The following HS6ST3 variants were observed in gnomAD, a reference collection of about 807,000 sequenced individuals.
The protein encoded by HS6ST3 is heparan-sulfate 6-O-sulfotransferase 3.
Under a neutral mutation model 36.7 loss-of-function variants are expected in HS6ST3, and 12 were observed. The ratio of observed to expected loss-of-function variants is 0.33; its 90% CI spans 0.21 to 0.53. The LOEUF (loss-of-function observed/expected upper bound fraction) is 0.53. Among genes scored for constraint, HS6ST3 ranks in the 20% least tolerant of loss-of-function variants. The probability of loss-of-function intolerance (pLI) is 0.95; values close to 1 mark genes in which losing one functional copy is unlikely to be tolerated. For missense variants in HS6ST3, 584 were observed against 640.9 expected (o/e 0.91, Z 0.96); for synonymous variants, 240 against 257.5 (o/e 0.93, Z 0.65).
intron 1 of HS6ST3, 40 bp downstream of exon 1, chr13:96,091,609 C>T (rs1378279400): frequency 1.3e-6 from 2 of 1,518,484 alleles, no homozygotes; most frequent in Non-Finnish European, 1.8e-6. Flanking sequence ...CCCCCCCACC[C>T]CCCATCCCTC....
chr13:96,669,820 A>G (rs149872303), intron 1 of HS6ST3, among the ~76,000 whole-genome samples: 92 of 152,246 alleles, frequency 6.0e-4, no homozygotes, highest in African/African-American at 1.9e-3. Context: ...TATAGTTGCT[A>G]TATTGACTTA....
chr13:96,099,426 A>G (rs1034338816), intron 1 of HS6ST3, among the ~76,000 whole-genome samples: 2 of 152,230 alleles, frequency 1.3e-5, no homozygotes, highest in African/African-American at 4.8e-5. Context: ...CTGGGCACTC[A>G]GTCCAAGAAT....
intron 1 of HS6ST3, among the ~76,000 whole-genome samples, chr13:96,587,531 T>G (rs1361002601): frequency 6.6e-6 from 1 of 152,210 alleles, no homozygotes; most frequent in Non-Finnish European, 1.5e-5. Context: ...GGCTTCAAAC[T>G]GCATCATTAC....
At chr13:96,694,969 A>G (rs1212046436) in intron 1 of HS6ST3, among the ~76,000 whole-genome samples, 1 of 152,224 alleles carries the variant, frequency 6.6e-6, no homozygotes, top group African/African-American at 2.4e-5. Flanking sequence ...TGTCTTTAAA[A>G]AACTTTTGGT....
At chr13:96,605,650 CATTAAAACTTAA>C (rs2056436056) in intron 1 of HS6ST3, among the ~76,000 whole-genome samples, 1 of 151,964 alleles carries the variant, frequency 6.6e-6, no homozygotes, top group Non-Finnish European at 1.5e-5. Flanking sequence ...GAAAAGGTTT[CATTAAAACTTAA>C]AGACCAAGCA....
chr13:96,797,220 A>G (rs910335519), intron 1 of HS6ST3, among the ~76,000 whole-genome samples: 5 of 152,084 alleles, frequency 3.3e-5, no homozygotes, highest in Admixed American at 6.6e-5. Context: ...GAAATGCTGC[A>G]GGGTAAAGCA....
Position 96,776,185 on chromosome 13 carries a change from A to G in HS6ST3, c.708-56305A>G, listed in dbSNP as rs114998907. On this transcript the variant is annotated intron_variant, in intron 1 of 1. Coordinates refer to ENST00000376705, the MANE Select transcript of HS6ST3 (RefSeq NM_153456.4). Reference sequence around the variant, plus strand: ...ATACCAGAATCTCTGGGATGCAGCTAAAGTAGTGTTTAGAGGGAATTTTAC... The same window carrying G: ...ATACCAGAATCTCTGGGATGCAGCTGAAGTAGTGTTTAGAGGGAATTTTAC... 5.0e-3 allele frequency among the ~76,000 whole-genome samples: 765 copies of G among 152,262 alleles called. 4 individuals carry two copies. The highest frequency in any genetic ancestry group is 0.017 in the African/African-American group (720 of 41,570).
At chr13:96,244,103 A>G (rs950988455) in intron 1 of HS6ST3, among the ~76,000 whole-genome samples, 7 of 152,136 alleles carry the variant, frequency 4.6e-5, no homozygotes, top group African/African-American at 1.7e-4. Flanking sequence ...TTAGCATAGG[A>G]GTTTAACCAT....
At chr13:96,233,154 T>C (rs531256341) in intron 1 of HS6ST3, among the ~76,000 whole-genome samples, 1 of 152,326 alleles carries the variant, frequency 6.6e-6, no homozygotes, top group South Asian at 2.1e-4. Context: ...AATATTTCTA[T>C]AAATTGGAAA....
chr13:96,739,922 A>T (rs745820237), intron 1 of HS6ST3, among the ~76,000 whole-genome samples: 7 of 151,966 alleles, frequency 4.6e-5, no homozygotes, highest in African/African-American at 1.7e-4. Context: ...TTTTGCTGCC[A>T]CTGTTTCTGG....
intron 1 of HS6ST3, among the ~76,000 whole-genome samples, chr13:96,259,422 G>A (rs2054653377): frequency 1.3e-5 from 2 of 152,200 alleles, no homozygotes; most frequent in Admixed American, 6.5e-5. Context: ...GAAGCACAAA[G>A]TGGCTCTGGG....
chr13:96,793,658 A>G (rs902151923), intron 1 of HS6ST3, among the ~76,000 whole-genome samples: 3 of 152,110 alleles, frequency 2.0e-5, no homozygotes, highest in Non-Finnish European at 4.4e-5. Context: ...GTTTCCTGCC[A>G]GCTTTCTGGT....
chr13:96,668,686 CTTTTTTTTTTTTTTTTTTT>C (rs146033180), intron 1 of HS6ST3, among the ~76,000 whole-genome samples: 74 of 58,942 alleles, frequency 1.3e-3, no homozygotes, highest in Admixed American at 2.9e-3. Flanking sequence ...TAGTGCCAAC[CTTTTTTTTTTTTTTTTTTT>C]TTTTTTTTTT....
At chr13:96,373,766 A>G (rs1432668069) in intron 1 of HS6ST3, among the ~76,000 whole-genome samples, 2 of 152,196 alleles carry the variant, frequency 1.3e-5, no homozygotes, top group African/African-American at 2.4e-5. Flanking sequence ...TTTGATTGAA[A>G]TAAGTGGCTG....
At chr13:96,392,163 A>G (rs914758275) in intron 1 of HS6ST3, among the ~76,000 whole-genome samples, 5 of 152,190 alleles carry the variant, frequency 3.3e-5, no homozygotes, top group Non-Finnish European at 7.3e-5. Context: ...AGCCTTTTGT[A>G]TGTGGTCTTT....
chr13:96,367,820 T>C (rs2055270548), intron 1 of HS6ST3, among the ~76,000 whole-genome samples: 1 of 152,218 alleles, frequency 6.6e-6, no homozygotes, highest in Non-Finnish European at 1.5e-5. Context: ...CAGTAGGTTT[T>C]GTAACCTAAT....
intron 1 of HS6ST3, among the ~76,000 whole-genome samples, chr13:96,574,773 G>C (rs1187313920): frequency 1.3e-5 from 2 of 152,132 alleles, no homozygotes; most frequent in Non-Finnish European, 2.9e-5. Flanking sequence ...GAATTACTGT[G>C]TGGGTTCAGA....
intron 1 of HS6ST3, among the ~76,000 whole-genome samples, chr13:96,548,474 A>T (rs546445854): frequency 3.3e-5 from 5 of 152,270 alleles, no homozygotes; most frequent in African/African-American, 1.2e-4. Context: ...CTGTTTTCTC[A>T]TACTATTTCG....
chr13:96,258,604 T>A (rs953084040), intron 1 of HS6ST3, among the ~76,000 whole-genome samples: 1 of 152,164 alleles, frequency 6.6e-6, no homozygotes, highest in African/African-American at 2.4e-5. Flanking sequence ...CAATGGGCAC[T>A]TAGGATAGGC....
Sources: allele counts gnomAD v4.1 joint callset (sites outside exome capture counted in the v4.1 genomes callset), GRCh38; gene constraint gnomAD v4.1.1; transcripts MANE v1.5; gene names NCBI Gene and HGNC (gene_info 2026-07-23, HGNC 2026-07-21).